The following POLR3E variants were observed in gnomAD, a reference collection of about 807,000 sequenced individuals.
The protein encoded by POLR3E is RNA polymerase III subunit E.
In POLR3E, 41 loss-of-function variants were observed where a neutral mutation model predicts 96.6. That is an observed-to-expected ratio of 0.42 (90% confidence interval 0.33 to 0.55). The LOEUF is 0.55. Among genes scored for constraint, POLR3E ranks in the 20% least tolerant of loss-of-function variants. POLR3E has a pLI of 0.06. For synonymous variants in POLR3E, 396 were observed against 383.6 expected, an observed-to-expected ratio of 1.03 and a Z score of -0.38; for missense variants, 849 against 952.1, an observed-to-expected ratio of 0.89 and a Z score of 1.43.
chr16:22,330,346 A>G (rs1042931213), intron 19 of POLR3E, among the ~76,000 whole-genome samples: 4 of 152,100 alleles, frequency 2.6e-5, no homozygotes, highest in Non-Finnish European at 4.4e-5. Context: ...TGGCCTTCCA[A>G]AGTGCTGGGA....
rs2048490870 is a variant in POLR3E at position 22,322,554 on chromosome 16, G to C, written c.987-296G>C. On this transcript the variant is annotated intron_variant, in intron 13 of 20. Coordinates refer to ENST00000299853, the MANE Select transcript of POLR3E (RefSeq NM_018119.4). This position sits in a 1 kb window ranked among gnomAD's most constrained non-coding sequence, Gnocchi z 5.2. ...GAGGTCCCGGGCTGTTCCTCACCTT[G>C]TCTGTCTCTGAGCCCGTGACCTCTC... 6.6e-6 allele frequency among the ~76,000 whole-genome samples: 1 copy of C among 152,094 alleles called. No individual in the cohort carries two copies. The highest frequency in any genetic ancestry group is 2.1e-4 in the South Asian group (1 of 4,830).
At chr16:22,332,302 C>A in intron 20 of POLR3E, 117 bp downstream of exon 20, 1 of 869,012 alleles carries the variant, frequency 1.2e-6, no homozygotes, top group Non-Finnish European at 1.8e-6. Context: ...GGGACCACTC[C>A]CCAGTCAGTC....
In POLR3E at chr16:22,309,746, AT is replaced by A. The variant is rs1369483135; in HGVS notation, c.364+239del. ...CCAGATGGGGTGGGGCTCCAAGTTC[AT>A]TTGTCCTCCCGGGACACAGATACAT... is the stretch of plus-strand genomic sequence containing the variant. On this transcript the variant is annotated intron_variant, in intron 6 of 20. Transcript: ENST00000299853. 8.7e-6 allele frequency: 5 copies of A among 576,702 alleles called. No individual in the cohort carries two copies. The African/African-American group carries it at 9.3e-5, about 11-fold the overall frequency. The allele number at this position is 576,702 out of a possible 1,614,324, so 35.7% of individuals were successfully genotyped here.
intron 6 of POLR3E, among the ~76,000 whole-genome samples, chr16:22,311,442 G>A (rs1392698584): frequency 6.6e-6 from 1 of 151,336 alleles, no homozygotes; most frequent in Non-Finnish European, 1.5e-5. Flanking sequence ...TACTTTTACT[G>A]TACCTTTTTT....
chr16:22,325,702 TG>T (rs1182846163), intron 17 of POLR3E, 58 bp from the exon 18 acceptor site: 2 of 1,498,666 alleles, frequency 1.3e-6, no homozygotes, highest in Non-Finnish European at 1.8e-6. Flanking sequence ...GGTCCCCTGC[TG>T]GGCTTTTGGC....
rs369431968 is a variant in POLR3E at position 22,309,059 on chromosome 16, G to A, written c.281+19G>A. ...ATTCCTCGTGAGTTTCCGGCCCCAA[G>A]CCTGTCCGGTTTCCCTGCGTTCACA... is the stretch of plus-strand genomic sequence containing the variant. On this transcript the variant is annotated intron_variant, in intron 5 of 20. Transcript: ENST00000299853. 4.5e-6 allele frequency: 7 copies of A among 1,564,636 alleles called. No homozygotes were observed. The African/African-American group carries it at 8.1e-5, about 18-fold the overall frequency.
chr16:22,299,160 G>T (rs1203347155), intron 1 of POLR3E: 1 of 403,520 alleles, frequency 2.5e-6, no homozygotes, highest in South Asian at 1.8e-5. Context: ...CCTGCAGGCG[G>T]TGATGATATT....
In POLR3E at chr16:22,313,340, G is replaced by A. The variant is rs112840393; in HGVS notation, c.365-280G>A. ...AAAGCGAGCAGCTGGGGAGAGGGGC[G>A]TGGAACCAGACTGGGAGGTGGGACT... On this transcript the variant is annotated intron_variant, in intron 6 of 20. Coordinates refer to ENST00000299853, the MANE Select transcript of POLR3E (RefSeq NM_018119.4). This position sits in a 1 kb window ranked among gnomAD's most constrained non-coding sequence, Gnocchi z 4.1. Among the ~76,000 whole-genome samples, 48 of 152,176 alleles carry A rather than the reference G, an allele frequency of 3.2e-4. No homozygotes were observed. The highest frequency in any genetic ancestry group is 2.8e-3 in the Admixed American group (43 of 15,268).
At chr16:22,333,205 C>T (rs1196202500) in intron 20 of POLR3E, among the ~76,000 whole-genome samples, 7 of 150,742 alleles carry the variant, frequency 4.6e-5, no homozygotes, top group African/African-American at 7.3e-5. Flanking sequence ...GTAATCCCAG[C>T]GCTTTGGGAG....
At chr16:22,305,516 T>G in intron 3 of POLR3E, 1 of 590,260 alleles carries the variant, frequency 1.7e-6, no homozygotes, top group Non-Finnish European at 3.2e-6. Flanking sequence ...AATCCTTCTG[T>G]GCCTCACTTT....
chr16:22,300,079 G>C (rs189606222), intron 1 of POLR3E, among the ~76,000 whole-genome samples: 2 of 152,166 alleles, frequency 1.3e-5, no homozygotes, highest in Non-Finnish European at 2.9e-5. Context: ...AGGAGCCGTA[G>C]GGAGACTTGG....
Position 22,332,101 on chromosome 16 carries a change from G to T in POLR3E, c.1986G>T (p.Arg662=). 1 of 1,613,230 alleles carries T rather than the reference G, an allele frequency of 6.2e-7. No individual in the cohort carries two copies. Among genetic ancestry groups the T allele is most frequent in the Non-Finnish European group, 8.5e-7 (1 of 1,179,510 alleles). ...VLLEIFSKNY[R]VRRNMIQSRL... is the part of the protein sequence containing the mutation. Reference sequence around the variant, plus strand: ...TTGAAATTTTTTCCAAAAATTACCGGGTACGCCGAAACATGATCCAGTCTC... The same window carrying T: ...TTGAAATTTTTTCCAAAAATTACCGTGTACGCCGAAACATGATCCAGTCTC... The change falls in exon 20 of 21, where the codon CGG becomes CGT. Residue 662 remains arginine, a synonymous_variant. Coordinates refer to ENST00000299853, the MANE Select transcript of POLR3E (RefSeq NM_018119.4).
intron 10 of POLR3E, 43 bp from the exon 11 acceptor site, chr16:22,316,952 C>T (rs776188082): frequency 5.0e-6 from 8 of 1,607,234 alleles, no homozygotes; most frequent in Middle Eastern, 1.7e-4. Context: ...GAGGGTCCAG[C>T]CTGGATCAGC....
At chr16:22,315,469 G>A (rs2048334454) in intron 9 of POLR3E, among the ~76,000 whole-genome samples, 1 of 152,154 alleles carries the variant, frequency 6.6e-6, no homozygotes, top group African/African-American at 2.4e-5. Flanking sequence ...TGCTGGGCTT[G>A]CAGTGGGGCT....
At chr16:22,319,388 C>T (rs1275074163) in intron 13 of POLR3E, among the ~76,000 whole-genome samples, 1 of 151,424 alleles carries the variant, frequency 6.6e-6, no homozygotes, top group Non-Finnish European at 1.5e-5. Flanking sequence ...TGCATTTAAA[C>T]TGTTTTTTGT....
Position 22,302,949 on chromosome 16 carries a change from G to A in POLR3E, c.-20G>A, listed in dbSNP as rs375097958. 1.3e-5 allele frequency: 21 copies of A among 1,612,970 alleles called. No homozygotes were observed. Among genetic ancestry groups the A allele is most frequent in the East Asian group, 6.7e-5 (3 of 44,886 alleles). Reference sequence around the variant, plus strand: ...TTTGCAGATCGAGCTGAAGGACTGCGCGGCTGGCTCTCCTCTAGTATGGCC... The same window carrying A: ...TTTGCAGATCGAGCTGAAGGACTGCACGGCTGGCTCTCCTCTAGTATGGCC... On this transcript the variant is annotated 5_prime_UTR_variant, in exon 2 of 21. Transcript: ENST00000299853.
intron 9 of POLR3E, 53 bp from the exon 10 acceptor site, chr16:22,316,548 C>T (rs949721499): frequency 3.5e-6 from 5 of 1,436,648 alleles, no homozygotes; most frequent in Non-Finnish European, 3.9e-6. Context: ...GGAGGGGGCC[C>T]AGGCCAGGGC....
intron 10 of POLR3E, 74 bp from the exon 11 acceptor site, chr16:22,316,921 C>T (rs945569001): frequency 1.3e-6 from 2 of 1,527,882 alleles, no homozygotes; most frequent in African/African-American, 2.7e-5. Context: ...TCCCCAGACC[C>T]TCACTTGGGT....
In POLR3E at chr16:22,322,983, G is replaced by A. The variant is rs759016228; in HGVS notation, c.1068+52G>A. On this transcript the variant is annotated intron_variant, in intron 14 of 20. Coordinates refer to ENST00000299853, the MANE Select transcript of POLR3E (RefSeq NM_018119.4). The surrounding 1 kb of genome is among the most constrained non-coding windows in gnomAD (Gnocchi z 5.2). Reference sequence around the variant, plus strand: ...ACGGTGGGGGCGTGGGAAGAGGGGGGCAGCGGTGCAGGGCTTCTGAAGACC... The same window carrying A: ...ACGGTGGGGGCGTGGGAAGAGGGGGACAGCGGTGCAGGGCTTCTGAAGACC... 2 of 1,276,212 alleles carry A rather than the reference G, an allele frequency of 1.6e-6. No individual in the cohort carries two copies. The highest frequency in any genetic ancestry group is 1.5e-5 in the African/African-American group (1 of 68,164). The allele number at this position is 1,276,212 out of a possible 1,614,324, so 79.1% of individuals were successfully genotyped here.
Sources: allele counts gnomAD v4.1 joint callset (sites outside exome capture counted in the v4.1 genomes callset), GRCh38; gene constraint gnomAD v4.1.1; non-coding constraint Gnocchi (gnomAD v3.1); transcripts MANE v1.5; gene names NCBI Gene and HGNC (gene_info 2026-07-23, HGNC 2026-07-21).